Variants in MUC22 observed in about 807,000 individuals in gnomAD.
The protein encoded by MUC22 is mucin-22.
A neutral mutation model predicts 40.3 loss-of-function variants in MUC22; 24 were observed. The ratio of observed to expected loss-of-function variants is 0.60; its 90% CI spans 0.43 to 0.84. The LOEUF (loss-of-function observed/expected upper bound fraction) is 0.84, where lower values mean the gene tolerates loss of function less well. Ranked by LOEUF, MUC22 falls within the 40% of genes least tolerant of loss-of-function variation. MUC22 has a pLI of 0.00. For synonymous variants in MUC22, 765 were observed against 844.5 expected (o/e 0.91, Z 1.63); for missense variants, 1,926 against 2,130.7 (o/e 0.90, Z 1.89).
chr6:31,023,711 A>G (rs1451870972), intron 1 of MUC22, among the ~76,000 whole-genome samples: 1 of 152,242 alleles, frequency 6.6e-6, no homozygotes, highest in South Asian at 2.1e-4. Context: ...AAATAGGGTA[A>G]ACAATAGGAT....
chr6:31,023,355 G>A (rs922766124), intron 1 of MUC22, among the ~76,000 whole-genome samples: 2 of 151,964 alleles, frequency 1.3e-5, no homozygotes, highest in Non-Finnish European at 2.9e-5. Context: ...AGGCAACATA[G>A]GGAGACCCCA....
intron 1 of MUC22, among the ~76,000 whole-genome samples, chr6:31,012,231 T>C (rs1361831318): frequency 6.6e-6 from 1 of 152,184 alleles, no homozygotes; most frequent in Non-Finnish European, 1.5e-5. Flanking sequence ...TGTGGAGGAT[T>C]TGGAGTGCTT....
chr6:31,018,360 T>C (rs17196346), intron 1 of MUC22, among the ~76,000 whole-genome samples: 18,188 of 152,176 alleles, frequency 0.12, 1,273 homozygotes, highest in African/African-American at 0.17. Flanking sequence ...CACCCAAATC[T>C]TTAGAGGAAC....
intron 1 of MUC22, among the ~76,000 whole-genome samples, chr6:31,015,415 C>T (rs1282786912): frequency 6.6e-6 from 1 of 152,140 alleles, no homozygotes; most frequent in Non-Finnish European, 1.5e-5. Context: ...ATATGTATTC[C>T]TTCCCTTCAG....
At chr6:31,017,060 C>T (rs1419450314) in intron 1 of MUC22, among the ~76,000 whole-genome samples, 1 of 152,234 alleles carries the variant, frequency 6.6e-6, no homozygotes. Flanking sequence ...GACCTGCAGC[C>T]CGCCATGCCT....
chr6:31,012,101 A>G (rs1763901099), intron 1 of MUC22, among the ~76,000 whole-genome samples: 1 of 152,184 alleles, frequency 6.6e-6, no homozygotes, highest in Non-Finnish European at 1.5e-5. Flanking sequence ...TTACATCAAC[A>G]TATCTTCCCT....
chr6:31,026,437 G>A lies in MUC22; in HGVS notation c.1006G>A (p.Gly336Arg), dbSNP rs878906602. ...CACCACAGTCTCTAGTGCAGGCTCT[G>A]GGACCACCACAGCTTCTATGGCAGG... Residue 336 changes from glycine (G) to arginine (R), a missense_variant, in exon 2 of 4, where the codon GGG becomes AGG. Gly to Arg is a moderately radical substitution (Grantham distance 125). This residue lies in a region of MUC22 where 1,281 missense variants were observed against 1,337.8 expected (regional missense o/e 0.96). Coordinates refer to ENST00000561890, the Ensembl canonical transcript of MUC22. 4.0e-6 allele frequency: 6 copies of A among 1,506,458 alleles called. 1 individual carries two copies. Among genetic ancestry groups the A allele is most frequent in the Non-Finnish European group, 5.3e-6 (6 of 1,128,536 alleles). 93.3% of individuals were successfully genotyped at this position (1,506,458 alleles called of 1,614,324 possible).
At position 31,032,867 on chromosome 6, in the gene MUC22, T is replaced by C. The variant is rs566475809; in HGVS notation, c.5055+286T>C. Among the ~76,000 whole-genome samples, 7 of 152,016 alleles carry C rather than the reference T, an allele frequency of 4.6e-5. No individual in the cohort carries two copies. In the South Asian group the frequency reaches 1.0e-3, roughly 23 times the overall value. ...AGAGAGAACAAGGAGGACATAAACA[T>C]AAAGAAAGCAAGAAGCAGCTGGGCG... On this transcript the variant is annotated intron_variant, in intron 3 of 3. Coordinates refer to ENST00000561890, the Ensembl canonical transcript of MUC22. The surrounding 1 kb of genome is among the most constrained non-coding windows in gnomAD (Gnocchi z 4.1).
intron 1 of MUC22, among the ~76,000 whole-genome samples, chr6:31,017,915 CTT>C (rs28993414): frequency 0.12 from 18,317 of 152,222 alleles, 1,313 homozygotes; most frequent in East Asian, 0.33. Context: ...GCTGCTCACT[CTT>C]TGAGTCCACA....
Position 31,032,249 on chromosome 6 carries a change from C to T in MUC22, c.4723C>T (p.Pro1575Ser). Residue 1575 changes from proline (P) to serine (S), a missense_variant, in exon 3 of 4, where the codon CCT (proline) becomes TCT (serine). Transcript: ENST00000561890. The surrounding 1 kb of genome is among the most constrained non-coding windows in gnomAD (Gnocchi z 4.1). The stretch of plus-strand genomic sequence containing the variant: ...TGCCTCCAGCTCTGTCACCATGGCC[C>T]CTGGAATGGACTTCACGGCCTCTGC... 1 of 1,535,646 alleles carries T rather than the reference C, an allele frequency of 6.5e-7. No homozygotes were observed. Among genetic ancestry groups the T allele is most frequent in the Non-Finnish European group, 8.7e-7 (1 of 1,146,892 alleles).
At chr6:31,010,018 G>A (rs1311973297), upstream of MUC22, among the ~76,000 whole-genome samples, 2 of 152,182 alleles carry the variant, frequency 1.3e-5, no homozygotes, top group African/African-American at 4.8e-5. Context: ...CTGGGAAGGA[G>A]CACTCTGGAG....
intron 1 of MUC22, among the ~76,000 whole-genome samples, chr6:31,015,858 A>G (rs888761923): frequency 6.7e-6 from 1 of 148,960 alleles, no homozygotes; most frequent in Admixed American, 6.7e-5. Context: ...GGGAAATTTT[A>G]TTGCATTTTT....
chr6:31,025,859 T>C (rs764766795), exon 2 of MUC22: 109 of 1,533,094 alleles, frequency 7.1e-5, no homozygotes, highest in Non-Finnish European at 8.5e-5. Context: ...ACCTTTACTA[T>C]AGCCTCCACT....
chr6:31,010,798 G>A (rs1763811839), intron 1 of MUC22, 22 bp downstream of exon 1: 2 of 702,502 alleles, frequency 2.8e-6, no homozygotes, highest in Non-Finnish European at 5.2e-6. Flanking sequence ...AGCAGTTAAG[G>A]AGGGAGAGGG....
exon 2 of MUC22, chr6:31,025,597 ACTT>A (rs1247689950): frequency 6.6e-7 from 1 of 1,518,936 alleles, no homozygotes; most frequent in Admixed American, 2.0e-5. Flanking sequence ...CATGGCCTCT[ACTT>A]CGGCCTTAAC....
chr6:31,025,614 A>G (rs1383564253), exon 2 of MUC22: 2 of 1,522,452 alleles, frequency 1.3e-6, no homozygotes, highest in East Asian at 2.5e-5. Context: ...CCTTAACTAC[A>G]GGCTCTAAGA....
At chr6:31,025,909 A>T in exon 2 of MUC22, 1 of 1,533,812 alleles carries the variant, frequency 6.5e-7, no homozygotes, top group Non-Finnish European at 8.7e-7. Flanking sequence ...CACAACCTCC[A>T]CTGCAGGCTC....
chr6:31,007,983 C>A (rs768970309), upstream of MUC22, among the ~76,000 whole-genome samples: 3 of 152,200 alleles, frequency 2.0e-5, no homozygotes, highest in Non-Finnish European at 2.9e-5. The surrounding 1 kb of genome is among the most constrained non-coding windows in gnomAD (Gnocchi z 4.0). Flanking sequence ...CATAGCTGGG[C>A]CTCTGTAGCT....
In MUC22 at chr6:31,032,554, A is replaced by C. The variant is rs1766146049; in HGVS notation, c.5028A>C (p.Gly1676=). Residue 1676 remains glycine (G), a synonymous_variant, in exon 3 of 4, where the codon GGA becomes GGC. Transcript: ENST00000561890. The surrounding 1 kb of genome is among the most constrained non-coding windows in gnomAD (Gnocchi z 4.1). ...TGGCTGCAGTTGTGGCTGCTGTTGG[A>C]TTGTCAGTAGGACTGAGTTTTTGTC... 2 of 1,535,310 alleles carry C rather than the reference A, an allele frequency of 1.3e-6. No individual in the cohort carries two copies.
Sources: allele counts gnomAD v4.1 joint callset (sites outside exome capture counted in the v4.1 genomes callset), GRCh38; gene constraint gnomAD v4.1.1; regional missense constraint gnomAD v4.1.1; non-coding constraint Gnocchi (gnomAD v3.1); transcripts MANE v1.5; gene names NCBI Gene and HGNC (gene_info 2026-07-23, HGNC 2026-07-21).